Variants in NTRK3 observed in about 807,000 individuals in gnomAD.
NTRK3 encodes NT-3 growth factor receptor.
NTRK3 carries 24 observed loss-of-function variants against 91.7 expected under a neutral mutation model. The ratio of observed to expected loss-of-function variants is 0.26; its 90% CI spans 0.19 to 0.37. NTRK3 has a LOEUF of 0.37. Ranked by LOEUF, NTRK3 falls within the 10% of genes least tolerant of loss-of-function variation. NTRK3 has a pLI of 1.00. For missense variants in NTRK3, 880 were observed against 1,068.9 expected (o/e 0.82, Z 2.46); for synonymous variants, 483 against 404.0 (o/e 1.20, Z -2.34).
At chr15:87,955,627 G>C (rs1232152625) in intron 14 of NTRK3, among the ~76,000 whole-genome samples, 2 of 152,192 alleles carry the variant, frequency 1.3e-5, no homozygotes, top group Non-Finnish European at 2.9e-5. Flanking sequence ...AGGATGAAGA[G>C]AGCTGGAAAT....
chr15:88,197,612 A>G (rs936560830), intron 3 of NTRK3, among the ~76,000 whole-genome samples: 1 of 152,162 alleles, frequency 6.6e-6, no homozygotes, highest in Non-Finnish European at 1.5e-5. Context: ...TGTCCAAACC[A>G]TTGCACTACT....
chr15:88,173,231 G>A (rs553881576), intron 5 of NTRK3, among the ~76,000 whole-genome samples: 2 of 152,262 alleles, frequency 1.3e-5, no homozygotes, highest in East Asian at 3.9e-4. Flanking sequence ...GTACTAGGAG[G>A]TGTCAGATGT....
chr15:88,009,643 T>C (rs2076732447), intron 14 of NTRK3, among the ~76,000 whole-genome samples: 2 of 152,200 alleles, frequency 1.3e-5, no homozygotes, highest in South Asian at 4.1e-4. Flanking sequence ...ACCCTCCTGC[T>C]GCTGTTTTGC....
At chr15:87,969,488 G>A (rs559286036) in intron 14 of NTRK3, among the ~76,000 whole-genome samples, 1 of 152,302 alleles carries the variant, frequency 6.6e-6, no homozygotes, top group Non-Finnish European at 1.5e-5. Context: ...TGTGACTAAT[G>A]AGAAAAGTTT....
At chr15:87,994,983 A>G (rs1295152527) in intron 14 of NTRK3, among the ~76,000 whole-genome samples, 1 of 152,232 alleles carries the variant, frequency 6.6e-6, no homozygotes, top group African/African-American at 2.4e-5. Context: ...AGATACTTAG[A>G]TAAGAGATTT....
chr15:88,179,814 G>T (rs79573844), intron 5 of NTRK3, among the ~76,000 whole-genome samples: 1,818 of 152,266 alleles, frequency 0.012, 21 homozygotes, highest in African/African-American at 0.042. Context: ...CTACAGAGAG[G>T]CCTACATACA....
chr15:88,045,308 C>T (rs372658537), intron 13 of NTRK3, among the ~76,000 whole-genome samples: 5 of 152,276 alleles, frequency 3.3e-5, no homozygotes, highest in Non-Finnish European at 7.4e-5. Flanking sequence ...CATTTGAACC[C>T]ATCCTGCTGT....
At chr15:87,916,010 C>T (rs1461669626) in intron 17 of NTRK3, among the ~76,000 whole-genome samples, 1 of 152,076 alleles carries the variant, frequency 6.6e-6, no homozygotes, top group East Asian at 1.9e-4. Context: ...TTGGGATTAG[C>T]AAAGCCTAGA....
At chr15:88,136,712 A>C in intron 7 of NTRK3, 103 bp from the exon 8 acceptor site, 1 of 1,427,464 alleles carries the variant, frequency 7.0e-7, no homozygotes, top group Non-Finnish European at 9.5e-7. Flanking sequence ...TTGCCCAGTA[A>C]TGACTCTAAC....
chr15:87,952,230 A>AG (rs2071191830), intron 14 of NTRK3, among the ~76,000 whole-genome samples: 1 of 141,346 alleles, frequency 7.1e-6, no homozygotes, highest in African/African-American at 3.2e-5. Context: ...AAAGAGAAAG[A>AG]AAAGAAAAGA....
chr15:88,208,622 G>T (rs1441285244), intron 3 of NTRK3, among the ~76,000 whole-genome samples: 1 of 152,068 alleles, frequency 6.6e-6, no homozygotes, highest in Non-Finnish European at 1.5e-5. Flanking sequence ...CCTGCACAAT[G>T]CCTGGCCACA....
At chr15:88,102,413 A>C (rs1300384726) in intron 13 of NTRK3, among the ~76,000 whole-genome samples, 1 of 152,260 alleles carries the variant, frequency 6.6e-6, no homozygotes, top group Non-Finnish European at 1.5e-5. Flanking sequence ...GCAAAAACAT[A>C]GAAGGAATAA....
intron 5 of NTRK3, among the ~76,000 whole-genome samples, chr15:88,150,464 T>TGTTAA (rs1226396534): frequency 6.6e-6 from 1 of 152,168 alleles, no homozygotes; most frequent in Non-Finnish European, 1.5e-5. Context: ...CTGGGACCCC[T>TGTTAA]GTTAAGGGGG....
At chr15:88,148,655 C>A (rs543270980) in intron 5 of NTRK3, among the ~76,000 whole-genome samples, 72 of 152,140 alleles carry the variant, frequency 4.7e-4, no homozygotes, top group African/African-American at 1.5e-3. Context: ...ACTTGCTGGC[C>A]ATGGGGAGGA....
At chr15:88,020,504 A>G (rs1364441810) in intron 14 of NTRK3, among the ~76,000 whole-genome samples, 3 of 152,194 alleles carry the variant, frequency 2.0e-5, no homozygotes, top group Non-Finnish European at 4.4e-5. Flanking sequence ...TTTCAGTACC[A>G]TCAAGCTGGT....
At chr15:88,060,861 C>T (rs2046153975) in intron 13 of NTRK3, among the ~76,000 whole-genome samples, 1 of 152,138 alleles carries the variant, frequency 6.6e-6, no homozygotes, top group Admixed American at 6.5e-5. Context: ...CCATTGGTAT[C>T]ATCTTAAATT....
chr15:87,925,743 TG>T (rs2068252807), intron 17 of NTRK3: 1 of 179,944 alleles, frequency 5.6e-6, no homozygotes, highest in East Asian at 9.1e-5. Flanking sequence ...CCATACATGT[TG>T]AAACCTTAAG....
chr15:88,111,920 T>TTTG (rs2051419671), intron 13 of NTRK3, among the ~76,000 whole-genome samples: 1 of 151,178 alleles, frequency 6.6e-6, no homozygotes, highest in Non-Finnish European at 1.5e-5. Context: ...TTTTTTTTTT[T>TTTG]GAGACAGACA....
intron 14 of NTRK3, among the ~76,000 whole-genome samples, chr15:87,986,611 C>T (rs1055736710): frequency 6.6e-6 from 1 of 152,220 alleles, no homozygotes; most frequent in Non-Finnish European, 1.5e-5. Context: ...ATACATGTAG[C>T]TCCCGTTCAT....
Sources: allele counts gnomAD v4.1 joint callset (sites outside exome capture counted in the v4.1 genomes callset), GRCh38; gene constraint gnomAD v4.1.1; transcripts MANE v1.5; gene names NCBI Gene and HGNC (gene_info 2026-07-23, HGNC 2026-07-21).